Variants in CTNNA3 observed in about 807,000 individuals in gnomAD.
CTNNA3 encodes the protein catenin alpha-3.
CTNNA3 carries 76 observed loss-of-function variants against 95.7 expected under a neutral mutation model. The ratio of observed to expected loss-of-function variants is 0.79; its 90% CI spans 0.66 to 0.96. The LOEUF (loss-of-function observed/expected upper bound fraction) is 0.96, where lower values mean the gene tolerates loss of function less well. Ranked by LOEUF, CTNNA3 falls within the 40% of genes least tolerant of loss-of-function variation. The probability of loss-of-function intolerance (pLI) is 0.00; values close to 1 mark genes in which losing one functional copy is unlikely to be tolerated. For synonymous variants in CTNNA3, 431 were observed against 374.4 expected, an observed-to-expected ratio of 1.15 and a Z score of -1.74; for missense variants, 1,191 against 1,089.8, an observed-to-expected ratio of 1.09 and a Z score of -1.31.
intron 2 of CTNNA3, among the ~76,000 whole-genome samples, chr10:67,641,729 C>T (rs1411865103): frequency 1.3e-5 from 2 of 152,050 alleles, no homozygotes; most frequent in Non-Finnish European, 2.9e-5. Context: ...AAGCTGGAAA[C>T]CATCATTCTC....
intron 3 of CTNNA3, among the ~76,000 whole-genome samples, chr10:67,573,036 C>A (rs1266864536): frequency 1.3e-5 from 2 of 152,102 alleles, no homozygotes; most frequent in Non-Finnish European, 2.9e-5. Flanking sequence ...CTGCAGTGAG[C>A]CGTGATTGTA....
intron 15 of CTNNA3, among the ~76,000 whole-genome samples, chr10:66,046,391 T>C (rs114750186): frequency 0.12 from 17,890 of 152,158 alleles, 1,268 homozygotes; most frequent in Non-Finnish European, 0.16. Flanking sequence ...CCAGCAAAAG[T>C]AGCTGCAGGT....
intron 11 of CTNNA3, among the ~76,000 whole-genome samples, chr10:66,411,704 A>G (rs2093106786): frequency 6.6e-6 from 1 of 152,170 alleles, no homozygotes; most frequent in African/African-American, 2.4e-5. Flanking sequence ...AGACAGTGAT[A>G]AATACTGTAA....
chr10:67,534,454 G>A (rs1840430287), intron 4 of CTNNA3, among the ~76,000 whole-genome samples: 1 of 152,156 alleles, frequency 6.6e-6, no homozygotes, highest in South Asian at 2.1e-4. Flanking sequence ...ACATAATTTA[G>A]AAGTTTGAGG....
At chr10:66,565,174 A>C (rs1842667874) in intron 10 of CTNNA3, among the ~76,000 whole-genome samples, 1 of 152,228 alleles carries the variant, frequency 6.6e-6, no homozygotes. Flanking sequence ...TATTATCTAA[A>C]GCCAATAAAA....
At chr10:67,499,479 A>G (rs1326955056) in intron 5 of CTNNA3, among the ~76,000 whole-genome samples, 1 of 152,054 alleles carries the variant, frequency 6.6e-6, no homozygotes, top group East Asian at 1.9e-4. Flanking sequence ...CTCATTTTCT[A>G]TTGTTTGGAA....
chr10:66,402,749 T>G (rs969448140), intron 11 of CTNNA3, among the ~76,000 whole-genome samples: 35 of 152,040 alleles, frequency 2.3e-4, no homozygotes, highest in African/African-American at 8.2e-4. Flanking sequence ...GAAGTTAGAG[T>G]TCCAGAGATG....
At chr10:66,934,306 G>A (rs1297710655) in intron 7 of CTNNA3, among the ~76,000 whole-genome samples, 2 of 151,862 alleles carry the variant, frequency 1.3e-5, no homozygotes, top group East Asian at 1.9e-4. Flanking sequence ...TCCCAATCAG[G>A]ATTCTCATTT....
At chr10:67,398,013 A>G (rs1268160153) in intron 5 of CTNNA3, among the ~76,000 whole-genome samples, 1 of 152,242 alleles carries the variant, frequency 6.6e-6, no homozygotes, top group Non-Finnish European at 1.5e-5. Context: ...GCCCTCATGG[A>G]GAACCTCTGC....
intron 2 of CTNNA3, among the ~76,000 whole-genome samples, chr10:67,622,934 T>C (rs992595773): frequency 2.6e-5 from 4 of 152,216 alleles, no homozygotes; most frequent in Non-Finnish European, 4.4e-5. Flanking sequence ...CCTATTAGTA[T>C]TTAAAAGACA....
intron 11 of CTNNA3, among the ~76,000 whole-genome samples, chr10:66,500,245 T>C (rs181974081): frequency 1.3e-5 from 2 of 152,262 alleles, no homozygotes; most frequent in East Asian, 3.9e-4. Flanking sequence ...AAATTATAAA[T>C]TTATTTAGTG....
At chr10:66,253,800 G>A (rs1397706620) in intron 13 of CTNNA3, among the ~76,000 whole-genome samples, 1 of 152,100 alleles carries the variant, frequency 6.6e-6, no homozygotes, top group East Asian at 1.9e-4. Flanking sequence ...AAAGGAACTT[G>A]ACCTTATAGT....
chr10:67,149,281 A>G (rs1860978822), intron 7 of CTNNA3, among the ~76,000 whole-genome samples: 1 of 152,142 alleles, frequency 6.6e-6, no homozygotes, highest in South Asian at 2.1e-4. Flanking sequence ...GTAAGGGGAC[A>G]GTTTGAGCAG....
At chr10:67,513,446 G>A (rs1839705414) in intron 5 of CTNNA3, among the ~76,000 whole-genome samples, 1 of 152,180 alleles carries the variant, frequency 6.6e-6, no homozygotes, top group Non-Finnish European at 1.5e-5. Flanking sequence ...TAGAGTGGCT[G>A]GAGGCTTGCG....
At chr10:66,439,808 A>T (rs764282475) in intron 11 of CTNNA3, among the ~76,000 whole-genome samples, 1 of 152,178 alleles carries the variant, frequency 6.6e-6, no homozygotes, top group Non-Finnish European at 1.5e-5. Context: ...ATTAGATCAT[A>T]TATAAGGGCT....
intron 7 of CTNNA3, among the ~76,000 whole-genome samples, chr10:67,176,625 C>T (rs1275934404): frequency 6.6e-6 from 1 of 152,180 alleles, no homozygotes; most frequent in Admixed American, 6.5e-5. Flanking sequence ...AATATGTTAC[C>T]TGACATGGCA....
chr10:66,132,139 G>A (rs977832384), intron 13 of CTNNA3, among the ~76,000 whole-genome samples: 1 of 152,058 alleles, frequency 6.6e-6, no homozygotes, highest in African/African-American at 2.4e-5. Flanking sequence ...GAATATATTT[G>A]CAAATTATGC....
intron 7 of CTNNA3, among the ~76,000 whole-genome samples, chr10:67,071,712 T>C (rs1326628365): frequency 6.6e-6 from 1 of 152,202 alleles, no homozygotes; most frequent in Non-Finnish European, 1.5e-5. Context: ...CCCCGTGTAT[T>C]CTCTCCTCTC....
intron 5 of CTNNA3, among the ~76,000 whole-genome samples, chr10:67,364,555 A>T (rs1843134236): frequency 6.6e-6 from 1 of 152,170 alleles, no homozygotes. Flanking sequence ...AATGTACAAA[A>T]ATCACAAGCA....
Sources: allele counts gnomAD v4.1 joint callset (sites outside exome capture counted in the v4.1 genomes callset), GRCh38; gene constraint gnomAD v4.1.1; transcripts MANE v1.5; gene names NCBI Gene and HGNC (gene_info 2026-07-23, HGNC 2026-07-21).